The following C11orf54 variants were observed in gnomAD, a reference collection of about 807,000 sequenced individuals.
C11orf54 encodes beta-keto-L-gulonate decarboxylase.
C11orf54 carries 29 observed loss-of-function variants against 35.5 expected under a neutral mutation model. That is an observed-to-expected ratio of 0.82 (90% CI 0.61 to 1.11). C11orf54 has a LOEUF of 1.11. Among genes scored for constraint, C11orf54 ranks in the 50% most tolerant of loss-of-function variants. C11orf54 has a pLI of 0.00. For synonymous variants in C11orf54, 108 were observed against 121.1 expected, an observed-to-expected ratio of 0.89 and a Z score of 0.71; for missense variants, 373 against 369.2, an observed-to-expected ratio of 1.01 and a Z score of -0.08.
At chr11:93,747,554 TCTTA>T (rs1272798956) in intron 2 of C11orf54, 106 bp downstream of exon 2, 1 of 587,872 alleles carries the variant, frequency 1.7e-6, no homozygotes, top group African/African-American at 1.9e-5. Flanking sequence ...TATATCTATA[TCTTA>T]CTTATCAAAA....
intron 1 of C11orf54, among the ~76,000 whole-genome samples, chr11:93,745,096 C>T (rs1942381826): frequency 6.6e-6 from 1 of 152,208 alleles, no homozygotes; most frequent in Admixed American, 6.5e-5. Context: ...CAGCATATCT[C>T]CCCTCCAGCC....
Position 93,747,363 on chromosome 11 carries a change from T to A in C11orf54, c.-31T>A. ...ATAATTAACCAAGAGTAGCTCTATT[T>A]GTCCAACCTCACACCTAAAGAAGAA... is the stretch of plus-strand genomic sequence containing the variant. On this transcript the variant is annotated 5_prime_UTR_variant, in exon 2 of 9. Transcript: ENST00000354421. The A allele has an allele frequency of 6.4e-7, 1 of 1,556,856 alleles. No homozygotes were observed. The highest frequency in any genetic ancestry group is 8.7e-7 in the Non-Finnish European group (1 of 1,152,710).
intron 1 of C11orf54, among the ~76,000 whole-genome samples, chr11:93,744,640 A>G (rs1318962571): frequency 6.6e-6 from 1 of 152,248 alleles, no homozygotes; most frequent in Non-Finnish European, 1.5e-5. Flanking sequence ...AAATTATTTA[A>G]AAGAAAAAGT....
intron 7 of C11orf54, among the ~76,000 whole-genome samples, chr11:93,758,291 TG>T (rs1943262824): frequency 6.6e-6 from 1 of 152,200 alleles, no homozygotes; most frequent in Non-Finnish European, 1.5e-5. Context: ...GCCCAAGCCA[TG>T]GCTGTAGTCC....
intron 6 of C11orf54, among the ~76,000 whole-genome samples, chr11:93,756,096 G>A (rs971671439): frequency 7.3e-6 from 1 of 137,208 alleles, no homozygotes; most frequent in African/African-American, 2.7e-5. Context: ...GAACCTGGGA[G>A]ACAGAGGTTG....
In C11orf54 at chr11:93,748,118, G is replaced by C. The variant is rs183372223; in HGVS notation, c.55+670G>C. On this transcript the variant is annotated intron_variant, in intron 2 of 8. Coordinates refer to ENST00000354421, the MANE Select transcript of C11orf54 (RefSeq NM_001286069.2). ...TTTCTCAAAATGTGATGTTCTGGTAGTTCATTTGTCATCCTGATAAGATTG... is the reference window on the plus strand; with the variant it reads ...TTTCTCAAAATGTGATGTTCTGGTACTTCATTTGTCATCCTGATAAGATTG... 2.2e-4 allele frequency among the ~76,000 whole-genome samples: 34 copies of C among 152,108 alleles called. No individual in the cohort carries two copies. In the Middle Eastern group the frequency reaches 0.01, roughly 46 times the overall value.
In C11orf54 at chr11:93,754,106, G is replaced by A. The variant is rs2135631945; in HGVS notation, c.330+69G>A. The A allele has an allele frequency of 6.8e-6, 9 of 1,326,716 alleles. No homozygotes were observed. In the South Asian group the frequency reaches 1.1e-4, roughly 16 times the overall value. 82.2% of individuals were successfully genotyped at this position (1,326,716 alleles called of 1,614,324 possible). A position where few individuals can be genotyped will look rare whatever the true frequency, so the allele number is the denominator to read the frequency against. ...TTTGGTTTGTCTTTTTGCTTTTAGT[G>A]CCAAAAATCCTACTTTCTGAGTGAA... On this transcript the variant is annotated intron_variant, in intron 5 of 8. Coordinates refer to ENST00000354421, the MANE Select transcript of C11orf54 (RefSeq NM_001286069.2).
rs1943499853 is a variant in C11orf54, at chr11:93,761,924, A to G, written c.*236A>G. 1 of 276,598 alleles carries G rather than the reference A, an allele frequency of 3.6e-6. No homozygotes were observed. The highest frequency in any genetic ancestry group is 6.6e-6 in the Non-Finnish European group (1 of 150,804). 17.1% of individuals were successfully genotyped at this position (276,598 alleles called of 1,614,324 possible). On this transcript the variant is annotated 3_prime_UTR_variant, in exon 9 of 9. Transcript: ENST00000354421. ...GTCTATTTTTTTAAAAAAGTAAAAA[A>G]TAGAAATTATCTCACTACTTAAATC... is the stretch of plus-strand genomic sequence containing the variant.
chr11:93,759,680 T>TA, intron 7 of C11orf54, 62 bp from the exon 8 acceptor site: 1 of 804,240 alleles, frequency 1.2e-6, no homozygotes, highest in Non-Finnish European at 1.8e-6. Context: ...AATATATTTT[T>TA]AAAATTTTTA....
intron 8 of C11orf54, 145 bp downstream of exon 8, chr11:93,760,003 A>G: frequency 3.9e-6 from 2 of 518,514 alleles, no homozygotes; most frequent in East Asian, 6.3e-5. Flanking sequence ...CTAGAGTGCA[A>G]TGGCAGGATC....
intron 6 of C11orf54, among the ~76,000 whole-genome samples, chr11:93,756,489 TAAA>T (rs5793655): frequency 1.2e-4 from 17 of 137,176 alleles, no homozygotes; most frequent in South Asian, 2.3e-4. Flanking sequence ...AGACCTGTCT[TAAA>T]AAAAAAAAAA....
intron 8 of C11orf54, 149 bp downstream of exon 8, chr11:93,760,007 C>T: frequency 2.0e-6 from 1 of 502,668 alleles, no homozygotes. Flanking sequence ...AGTGCAATGG[C>T]AGGATCTCAG....
intron 5 of C11orf54, among the ~76,000 whole-genome samples, chr11:93,754,353 T>A (rs971101253): frequency 1.3e-5 from 2 of 152,220 alleles, no homozygotes; most frequent in African/African-American, 4.8e-5. Context: ...TCTATAAATC[T>A]TTGCTTTGGG....
At chr11:93,759,908 T>G in intron 8 of C11orf54, 50 bp downstream of exon 8, 1 of 1,127,816 alleles carries the variant, frequency 8.9e-7, no homozygotes, top group Admixed American at 2.1e-5. Context: ...AATGCTTGAT[T>G]TTTAGGATAA....
At chr11:93,744,081 A>C (rs1268370444) in intron 1 of C11orf54, among the ~76,000 whole-genome samples, 4 of 152,204 alleles carry the variant, frequency 2.6e-5, no homozygotes, top group Non-Finnish European at 5.9e-5. Flanking sequence ...GGGCCTTCAT[A>C]ATTTAAATTT....
intron 1 of C11orf54, among the ~76,000 whole-genome samples, chr11:93,742,414 G>C (rs1233963992): frequency 6.6e-6 from 1 of 151,988 alleles, no homozygotes; most frequent in African/African-American, 2.4e-5. Context: ...CTCCCCAGTA[G>C]CTGAGATTAC....
intron 8 of C11orf54, among the ~76,000 whole-genome samples, chr11:93,760,084 T>G (rs2135676320): frequency 6.6e-6 from 1 of 152,210 alleles, no homozygotes; most frequent in Non-Finnish European, 1.5e-5. Flanking sequence ...GTAGCTGGGA[T>G]TATAGGCATC....
At chr11:93,754,398 A>G (rs1943016332) in intron 5 of C11orf54, among the ~76,000 whole-genome samples, 1 of 152,242 alleles carries the variant, frequency 6.6e-6, no homozygotes, top group Non-Finnish European at 1.5e-5. Context: ...GATGAATGGA[A>G]TATTAGTGAT....
chr11:93,752,021 A>G (rs1942862484), intron 3 of C11orf54, among the ~76,000 whole-genome samples: 1 of 151,430 alleles, frequency 6.6e-6, no homozygotes, highest in African/African-American at 2.4e-5. Flanking sequence ...TAATTTTTGT[A>G]TTTTTAGTAG....
Sources: gnomAD v4.1 joint callset for allele counts (sites outside exome capture counted in the v4.1 genomes callset) on GRCh38, gnomAD v4.1.1 for gene constraint, MANE v1.5 for transcripts, NCBI Gene and HGNC (gene_info 2026-07-23, HGNC 2026-07-21) for gene names.